Variants in CECR2 observed in about 807,000 individuals in gnomAD.
CECR2 encodes the protein CECR2 histone acetyl-lysine reader, also known as chromatin remodeling regulator CECR2.
In CECR2, 30 loss-of-function variants were observed where a neutral mutation model predicts 154.5. The ratio of observed to expected loss-of-function variants is 0.19; its 90% CI spans 0.15 to 0.26. The LOEUF (loss-of-function observed/expected upper bound fraction) is 0.26. Ranked by LOEUF, CECR2 falls within the 10% of genes least tolerant of loss-of-function variation. The probability of loss-of-function intolerance (pLI) is 1.00; values close to 1 mark genes in which losing one functional copy is unlikely to be tolerated. For missense variants in CECR2, 1,743 were observed against 1,829.3 expected (o/e 0.95, Z 0.86); for synonymous variants, 725 against 683.7 (o/e 1.06, Z -0.94).
chr22:17,546,216 G>A (rs530668666), intron 16 of CECR2, among the ~76,000 whole-genome samples: 8 of 152,100 alleles, frequency 5.3e-5, no homozygotes, highest in Non-Finnish European at 1.2e-4. Context: ...AGGCCGGCGC[G>A]ATGGCTCACG....
At chr22:17,411,444 TTGAGTGCAAGAATG>T (rs1253878663) in intron 1 of CECR2, among the ~76,000 whole-genome samples, 1 of 152,184 alleles carries the variant, frequency 6.6e-6, no homozygotes, top group African/African-American at 2.4e-5. Context: ...TGGGCCTCCC[TTGAGTGCAAGAATG>T]TGATGTAATG....
chr22:17,510,819 A>G (rs979035167), intron 7 of CECR2, among the ~76,000 whole-genome samples: 33 of 152,124 alleles, frequency 2.2e-4, no homozygotes, highest in African/African-American at 7.9e-4. Flanking sequence ...GTTGGTCAGG[A>G]TGGTCTTGAT....
At chr22:17,528,818 G>A (rs573185194) in intron 9 of CECR2, among the ~76,000 whole-genome samples, 1 of 152,346 alleles carries the variant, frequency 6.6e-6, no homozygotes, top group Admixed American at 6.5e-5. Context: ...ATACAAGCGT[G>A]AGCACACACC....
rs1025634207 is a variant in CECR2, at chr22:17,549,906, A to G, written c.4277+342A>G. Reference sequence around the variant, plus strand: ...CTGTCAAAGTGCTGAGATTACAGGCATGAGCCAGCACACCTGGCCTGGATG... The same window carrying G: ...CTGTCAAAGTGCTGAGATTACAGGCGTGAGCCAGCACACCTGGCCTGGATG... On this transcript the variant is annotated intron_variant, in intron 17 of 18. Transcript: ENST00000262608. 1.1e-4 allele frequency among the ~76,000 whole-genome samples: 17 copies of G among 150,432 alleles called. 1 individual carries two copies. Among genetic ancestry groups the G allele is most frequent in the Non-Finnish European group, 2.5e-4 (17 of 67,772 alleles).
At chr22:17,412,300 A>G (rs2054078918) in intron 1 of CECR2, among the ~76,000 whole-genome samples, 1 of 152,142 alleles carries the variant, frequency 6.6e-6, no homozygotes, top group African/African-American at 2.4e-5. Context: ...AGTTGTCACC[A>G]TTGATAATGT....
intron 1 of CECR2, among the ~76,000 whole-genome samples, chr22:17,382,829 C>T (rs573052975): frequency 1.6e-3 from 251 of 152,220 alleles, no homozygotes; most frequent in African/African-American, 5.7e-3. Context: ...CGCTTGAGTC[C>T]AGGAGGCGGA....
chr22:17,380,343 T>C (rs1392193254), intron 1 of CECR2, among the ~76,000 whole-genome samples: 3 of 152,230 alleles, frequency 2.0e-5, no homozygotes, highest in Admixed American at 6.5e-5. Context: ...TGCAAAAATA[T>C]ATAGAAGATA....
At chr22:17,491,902 A>G (rs1021250534) in intron 2 of CECR2, among the ~76,000 whole-genome samples, 1 of 152,222 alleles carries the variant, frequency 6.6e-6, no homozygotes, top group Admixed American at 6.5e-5. Flanking sequence ...TTAATTTGAA[A>G]TAACCATGAT....
chr22:17,481,307 C>T (rs778930406), intron 2 of CECR2, among the ~76,000 whole-genome samples: 22 of 139,370 alleles, frequency 1.6e-4, no homozygotes, highest in Non-Finnish European at 2.9e-4. Flanking sequence ...CGTGTCATTG[C>T]ACTCCAGCCT....
At chr22:17,461,191 G>A (rs1020063432) in intron 1 of CECR2, among the ~76,000 whole-genome samples, 2 of 152,274 alleles carry the variant, frequency 1.3e-5, no homozygotes, top group South Asian at 4.1e-4. Flanking sequence ...TATGAGGAAA[G>A]CTTCTCTTCT....
At chr22:17,532,700 C>CTTTTTTTTTTTTTTTTTTTTTT (rs695634) in intron 9 of CECR2, among the ~76,000 whole-genome samples, 3 of 35,794 alleles carry the variant, frequency 8.4e-5, no homozygotes, top group East Asian at 1.1e-3. Context: ...CATTATTATT[C>CTTTTTTTTTTTTTTTTTTTTTT]TTTTTTTTTT....
intron 9 of CECR2, among the ~76,000 whole-genome samples, chr22:17,528,762 C>T (rs1181272954): frequency 6.6e-6 from 1 of 152,104 alleles, no homozygotes; most frequent in Non-Finnish European, 1.5e-5. Flanking sequence ...TCTTGAACTC[C>T]TGGCCTCAAG....
At chr22:17,395,210 C>T (rs79019226) in intron 1 of CECR2, among the ~76,000 whole-genome samples, 8,022 of 152,082 alleles carry the variant, frequency 0.053, 332 homozygotes, top group African/African-American at 0.12. Context: ...TCTTTTTTGG[C>T]AGAGACGAGG....
intron 8 of CECR2, chr22:17,518,820 T>C: frequency 3.3e-6 from 1 of 303,102 alleles, no homozygotes; most frequent in Non-Finnish European, 6.5e-6. Context: ...TGGATAGATC[T>C]CCTAAGGCTA....
At chr22:17,471,252 G>T (rs2055122124) in intron 1 of CECR2, among the ~76,000 whole-genome samples, 2 of 152,144 alleles carry the variant, frequency 1.3e-5, no homozygotes, top group Admixed American at 1.3e-4. Context: ...AAGTCCAGAT[G>T]ATTCCATCTG....
In CECR2 at chr22:17,542,363, G is replaced by C. The variant is rs41277562; in HGVS notation, c.2220G>C (p.Gly740=). ...GATTCATTCCTCCCCGGCATGGGGG[G>C]GCTCCAGCCCGGCCACCAGACTTTC... ...QPGFIPPRHG[G]APARPPDFPE... is the part of the protein sequence containing the mutation. Residue 740 remains glycine, a synonymous_variant, in exon 16 of 19, where the codon GGG becomes GGC. Transcript: ENST00000262608. The C allele has an allele frequency of 0.031, 50,325 of 1,613,756 alleles. 1,021 individuals carry two copies. The highest frequency in any genetic ancestry group is 0.036 in the Non-Finnish European group (42,278 of 1,179,818).
rs117018433 is a variant in CECR2, at chr22:17,506,491, G to A, written c.870+1475G>A. On this transcript the variant is annotated intron_variant, in intron 7 of 18. Coordinates refer to ENST00000262608, the MANE Select transcript of CECR2 (RefSeq NM_001290047.2). ...AAAAGCCTTACTTAAATGTCACTAC[G>A]TCCATGAACTGTCCTTGTTTCCCCC... 3.4e-3 allele frequency among the ~76,000 whole-genome samples: 523 copies of A among 152,196 alleles called. 9 individuals are homozygous for A. In the East Asian group the frequency reaches 0.066, roughly 19 times the overall value.
rs1350565538 is a variant in CECR2, at chr22:17,542,278, G to A, written c.2135G>A (p.Gly712Glu). The A allele has an allele frequency of 6.2e-7, 1 of 1,611,214 alleles. No individual in the cohort carries two copies. Among genetic ancestry groups the A allele is most frequent in the East Asian group, 2.2e-5 (1 of 44,736 alleles). The change falls in exon 16 of 19, where the codon GGG (glycine) becomes GAG (glutamate). Residue 712 changes from glycine (G) to glutamate (E), a missense_variant. Gly to Glu is a moderately conservative substitution (Grantham distance 98, BLOSUM62 -2). This residue lies in a region of CECR2 where 1,250 missense variants were observed against 1,192.1 expected (regional missense o/e 1.05). Transcript: ENST00000262608. ...MGPHPGSLQL[G>E]QISGPSQDGS... ...CCACACCCTGGATCCTTGCAGCTTG[G>A]GCAGATAAGTGGCCCAAGTCAGGAT...
intron 8 of CECR2, among the ~76,000 whole-genome samples, chr22:17,514,055 A>T (rs989811256): frequency 6.6e-6 from 1 of 152,204 alleles, no homozygotes; most frequent in African/African-American, 2.4e-5. Context: ...CTTAGTGGTG[A>T]CATGACTTTT....
Sources: allele counts gnomAD v4.1 joint callset (sites outside exome capture counted in the v4.1 genomes callset), GRCh38; gene constraint gnomAD v4.1.1; regional missense constraint gnomAD v4.1.1; transcripts MANE v1.5; gene names NCBI Gene and HGNC (gene_info 2026-07-23, HGNC 2026-07-21).